SMARCB1: variants seen among roughly 807,000 people sequenced by gnomAD.
The protein encoded by SMARCB1 is SWI/SNF related BAF chromatin remodeling complex subunit B1.
SMARCB1 carries 5 observed loss-of-function variants against 49.0 expected under a neutral mutation model. The observed-to-expected ratio is 0.10, with a 90% CI of 0.05 to 0.21. The LOEUF (loss-of-function observed/expected upper bound fraction) is 0.21. Among genes scored for constraint, SMARCB1 ranks in the 10% least tolerant of loss-of-function variants. The probability of loss-of-function intolerance (pLI) is 1.00; values close to 1 mark genes in which losing one functional copy is unlikely to be tolerated. For missense variants in SMARCB1, 226 were observed against 509.2 expected (o/e 0.44, Z 5.35); for synonymous variants, 201 against 200.1 (o/e 1.00, Z -0.04).
Position 23,793,990 on chromosome 22 carries a change from G to C in SMARCB1, c.362+302G>C, listed in dbSNP as rs34458243. ...ACAGAGTTTCACTCTTGTTGCCCAG[G>C]ATGGAGTGCAATGGCGTGATCTCAG... On this transcript the variant is annotated intron_variant, in intron 3 of 8. Coordinates refer to ENST00000644036, the MANE Select transcript of SMARCB1 (RefSeq NM_003073.5). Among the ~76,000 whole-genome samples, 1,136 of 152,214 alleles carry C rather than the reference G, an allele frequency of 7.5e-3. 12 individuals are homozygous for C. The highest frequency in any genetic ancestry group is 0.025 in the African/African-American group (1,029 of 41,532).
rs2145963588 is a variant in SMARCB1 at position 23,793,559 on chromosome 22, A to G, written c.233A>G (p.Asp78Gly). Residue 78 changes from aspartate (D) to glycine (G), a missense_variant and splice_region_variant, in exon 3 of 9, where the codon GAT (aspartate) becomes GGT (glycine). By Grantham distance (94) the Asp-to-Gly change is moderately conservative (BLOSUM62 -1). Coordinates refer to ENST00000644036, the MANE Select transcript of SMARCB1 (RefSeq NM_003073.5). ...HGKKTKPNTK[D>G]HGYTTLATSV... Reference sequence around the variant, plus strand: ...ACCCAGTGATGTTTGTCTGTTACAGATCACGGATACACGACTCTAGCCACC... The same window carrying G: ...ACCCAGTGATGTTTGTCTGTTACAGGTCACGGATACACGACTCTAGCCACC... 2 of 1,614,084 alleles carry G rather than the reference A, an allele frequency of 1.2e-6. No individual in the cohort carries two copies. Among genetic ancestry groups the G allele is most frequent in the Non-Finnish European group, 1.7e-6 (2 of 1,179,990 alleles).
rs529458624 is a variant in SMARCB1, at chr22:23,787,003, C to T, written c.-167C>T. ...GCACTGAGGGCGGCCTGGTCGTCGT[C>T]TGCGGCGGCGGCGGCGGCTGAGGAG... On this transcript the variant is annotated 5_prime_UTR_variant, in exon 1 of 9. Coordinates refer to ENST00000644036, the MANE Select transcript of SMARCB1 (RefSeq NM_003073.5). 23 of 504,250 alleles carry T rather than the reference C, an allele frequency of 4.6e-5. No homozygotes were observed. The highest frequency in any genetic ancestry group is 5.2e-4 in the Middle Eastern group (1 of 1,932). 31.2% of individuals were successfully genotyped at this position (504,250 alleles called of 1,614,324 possible). A position where few individuals can be genotyped will look rare whatever the true frequency, so the allele number is the denominator to read the frequency against.
In SMARCB1 at chr22:23,787,074, C is replaced by A; in HGVS notation, c.-96C>A. The stretch of plus-strand genomic sequence containing the variant: ...CCGGCCCGGTCCGCATTTCGCCTTC[C>A]GGCTTCGGTTTCCCTCGGCCCAGCA... On this transcript the variant is annotated 5_prime_UTR_variant, in exon 1 of 9. Coordinates refer to ENST00000644036, the MANE Select transcript of SMARCB1 (RefSeq NM_003073.5). The A allele has an allele frequency of 1.2e-6, 1 of 807,874 alleles. No homozygotes were observed. The highest frequency in any genetic ancestry group is 1.4e-5 in the South Asian group (1 of 69,352). The allele number at this position is 807,874 out of a possible 1,614,324, so 50.0% of individuals were successfully genotyped here.
In SMARCB1 at chr22:23,837,229, C is replaced by T. The variant is rs765935859; in HGVS notation, c.*3049C>T. Reference sequence around the variant, plus strand: ...TAGACCAGCAGAGCCTGCCCCAGGCCCCCATCCACAGCCTGGTGGCCCTGC... The same window carrying T: ...TAGACCAGCAGAGCCTGCCCCAGGCTCCCATCCACAGCCTGGTGGCCCTGC... On this transcript the variant is annotated 3_prime_UTR_variant, in exon 9 of 9. Coordinates refer to ENST00000644036, the MANE Select transcript of SMARCB1 (RefSeq NM_003073.5). 2.3e-5 allele frequency: 36 copies of T among 1,551,500 alleles called. No homozygotes were observed. In the East Asian group the frequency reaches 6.6e-4, roughly 28 times the overall value.
chr22:23,793,330 G>A, intron 2 of SMARCB1: 2 of 622,136 alleles, frequency 3.2e-6, no homozygotes, highest in Non-Finnish European at 5.9e-6. Context: ...TCCTGGGGCA[G>A]ATTAGTCCAA....
At chr22:23,796,990 G>A (rs948940873) in intron 3 of SMARCB1, among the ~76,000 whole-genome samples, 1 of 150,128 alleles carries the variant, frequency 6.7e-6, no homozygotes, top group African/African-American at 2.5e-5. Context: ...ATGGAAGGAA[G>A]GTTGTTTTTC....
chr22:23,796,604 GC>G (rs1928763782), intron 3 of SMARCB1, among the ~76,000 whole-genome samples: 1 of 152,228 alleles, frequency 6.6e-6, no homozygotes, highest in Admixed American at 6.5e-5. Context: ...CGTGTGCTTT[GC>G]AGATTCTTTT....
intron 1 of SMARCB1, among the ~76,000 whole-genome samples, chr22:23,788,630 T>C (rs1410749415): frequency 6.6e-6 from 1 of 152,128 alleles, no homozygotes; most frequent in Non-Finnish European, 1.5e-5. Context: ...GGTCTTGAAC[T>C]CCTGGGCTCA....
At chr22:23,798,880 C>T (rs1282080770) in intron 3 of SMARCB1, among the ~76,000 whole-genome samples, 3 of 151,956 alleles carry the variant, frequency 2.0e-5, no homozygotes, top group Non-Finnish European at 4.4e-5. Flanking sequence ...GAAACCCCGT[C>T]TCTACTAAAA....
chr22:23,824,898 C>T (rs1182836139), intron 6 of SMARCB1: 20 of 445,038 alleles, frequency 4.5e-5, no homozygotes, highest in Non-Finnish European at 7.1e-5. Flanking sequence ...GCAGCAGGAG[C>T]GAAGGGCAGA....
intron 4 of SMARCB1, 100 bp from the exon 5 acceptor site, chr22:23,803,195 A>C: frequency 6.6e-7 from 1 of 1,515,158 alleles, no homozygotes; most frequent in Non-Finnish European, 9.1e-7. Context: ...TCTTCCCCAG[A>C]TGGGTTTGCA....
chr22:23,833,901 T>C (rs1465646487), intron 8 of SMARCB1, among the ~76,000 whole-genome samples, 198 bp downstream of exon 8: 1 of 152,160 alleles, frequency 6.6e-6, no homozygotes, highest in Non-Finnish European at 1.5e-5. Context: ...ACAAACATAA[T>C]TCCTCAGGCT....
chr22:23,831,673 C>A (rs1253685392), intron 7 of SMARCB1, among the ~76,000 whole-genome samples: 1 of 152,198 alleles, frequency 6.6e-6, no homozygotes, highest in African/African-American at 2.4e-5. Context: ...AAACAAAGGA[C>A]CCTCTGGGAC....
chr22:23,823,473 C>G (rs984800532), intron 6 of SMARCB1: 2 of 152,310 alleles, frequency 1.3e-5, no homozygotes, highest in African/African-American at 4.8e-5. Context: ...CTGCAGTCCC[C>G]ATTGCCTGGC....
In SMARCB1 at chr22:23,811,036, CAA is replaced by C. The variant is rs56238275; in HGVS notation, c.629-5717_629-5716del. 5.4e-3 allele frequency among the ~76,000 whole-genome samples: 710 copies of C among 131,532 alleles called. 6 individuals are homozygous for C. The highest frequency in any genetic ancestry group is 0.021 in the African/African-American group (655 of 31,732). The allele number at this position is 131,532 out of a possible 152,430, so 86.3% of individuals were successfully genotyped here. Reference sequence around the variant, plus strand: ...TGGGCGACAGAGCAAGACTGTGTCTCAAAAAAAAAAAAAAAAAAGATGGATAA... The same window carrying C: ...TGGGCGACAGAGCAAGACTGTGTCTCAAAAAAAAAAAAAAAAGATGGATAA... On this transcript the variant is annotated intron_variant, in intron 5 of 8. Coordinates refer to ENST00000644036, the MANE Select transcript of SMARCB1 (RefSeq NM_003073.5).
chr22:23,837,637 CTA>C lies in SMARCB1; in HGVS notation c.*3458_*3459del. On this transcript the variant is annotated 3_prime_UTR_variant, in exon 9 of 9. Coordinates refer to ENST00000644036, the MANE Select transcript of SMARCB1 (RefSeq NM_003073.5). ...AGGGGAGTGGCCAGCCTGGGGCGGA[CTA>C]GATGTACCGGGAGGCTCACCCAGCA... 6.2e-7 allele frequency: 1 copy of C among 1,606,732 alleles called. No homozygotes were observed. The highest frequency in any genetic ancestry group is 2.2e-5 in the East Asian group (1 of 44,766).
chr22:23,814,162 T>G (rs1930043635), intron 5 of SMARCB1, among the ~76,000 whole-genome samples: 1 of 152,078 alleles, frequency 6.6e-6, no homozygotes, highest in East Asian at 1.9e-4. Flanking sequence ...GTGGGAGTAA[T>G]CATTCTACCC....
intron 6 of SMARCB1, chr22:23,817,215 AGCTGATTG>A (rs767132366): frequency 7.3e-6 from 4 of 546,604 alleles, no homozygotes; most frequent in Non-Finnish European, 9.9e-6. Context: ...AGGTGAAGGC[AGCTGATTG>A]GCTGGGCCAG....
intron 5 of SMARCB1, among the ~76,000 whole-genome samples, chr22:23,805,611 T>C (rs1364677285): frequency 6.6e-6 from 1 of 152,212 alleles, no homozygotes; most frequent in East Asian, 1.9e-4. Context: ...GTTCAAGTGA[T>C]TCTCCTGCCT....
Sources: gnomAD v4.1 joint callset for allele counts (sites outside exome capture counted in the v4.1 genomes callset) on GRCh38, gnomAD v4.1.1 for gene constraint, MANE v1.5 for transcripts, NCBI Gene and HGNC (gene_info 2026-07-23, HGNC 2026-07-21) for gene names.